TRIM7: variants seen among roughly 807,000 people sequenced by gnomAD.
TRIM7 encodes the protein tripartite motif containing 7.
TRIM7 carries 32 observed loss-of-function variants against 37.9 expected under a neutral mutation model. The ratio of observed to expected loss-of-function variants is 0.84; its 90% CI spans 0.64 to 1.13. The LOEUF (loss-of-function observed/expected upper bound fraction) is 1.13, where lower values mean the gene tolerates loss of function less well. Among genes scored for constraint, TRIM7 ranks in the 50% most tolerant of loss-of-function variants. The pLI, the probability that TRIM7 is intolerant of heterozygous loss-of-function variation, is 0.00. For synonymous variants in TRIM7, 351 were observed against 321.3 expected (o/e 1.09, Z -0.99); for missense variants, 732 against 714.0 (o/e 1.03, Z -0.29).
In TRIM7 at chr5:181,199,094, C is replaced by T. The variant is rs1757319850; in HGVS notation, c.872+1G>A. On this transcript the variant is annotated splice_donor_variant, in intron 4 of 6. Transcript: ENST00000274773. LOFTEE classifies it high-confidence loss of function. The stretch of plus-strand genomic sequence containing the variant: ...GCCCCAGGAGCTGTGAGGTCACTCA[C>T]CTGCTCAGCGTGCTTTTGAATTCCT... 6.2e-7 allele frequency: 1 copy of T among 1,614,100 alleles called. No individual in the cohort carries two copies. Among genetic ancestry groups the T allele is most frequent in the South Asian group, 1.1e-5 (1 of 91,090 alleles).
At chr5:181,203,378 G>A (rs975641836) in intron 2 of TRIM7, 167 bp downstream of exon 2, 33 of 1,454,640 alleles carry the variant, frequency 2.3e-5, no homozygotes, top group Non-Finnish European at 2.9e-5. Context: ...GCTCTGGTTT[G>A]TACAACAATT....
intron 3 of TRIM7, 50 bp downstream of exon 3, chr5:181,199,801 C>G: frequency 6.4e-7 from 1 of 1,557,322 alleles, no homozygotes. Flanking sequence ...AGCTGCTGGT[C>G]CTGATGCCTT....
Position 181,199,732 on chromosome 5 carries a change from C to T in TRIM7, c.849+119G>A, listed in dbSNP as rs1757356508. The T allele has an allele frequency of 1.4e-5, 20 of 1,432,450 alleles. No individual in the cohort carries two copies. In the South Asian group the frequency reaches 2.7e-4, roughly 19 times the overall value. 88.7% of individuals were successfully genotyped at this position (1,432,450 alleles called of 1,614,324 possible). On this transcript the variant is annotated intron_variant, in intron 3 of 6. Transcript: ENST00000274773. ...GAAAATCAGGGCACTTCTCTCCAGT[C>T]CCCTTCAGCTCCAGATCATGTGATT...
In TRIM7 at chr5:181,204,878, C is replaced by T; in HGVS notation, c.233G>A (p.Cys78Tyr). 2 of 1,356,980 alleles carry T rather than the reference C, an allele frequency of 1.5e-6. No individual in the cohort carries two copies. Among genetic ancestry groups the T allele is most frequent in the East Asian group, 3.1e-5 (1 of 32,466 alleles). The allele number at this position is 1,356,980 out of a possible 1,614,324, so 84.1% of individuals were successfully genotyped here. Residue 78 changes from cysteine (C) to tyrosine (Y), a missense_variant, in exon 1 of 7, where the codon TGT (cysteine) becomes TAT (tyrosine). By Grantham distance (194) the Cys-to-Tyr change is radical (BLOSUM62 -2). Transcript: ENST00000274773. ...GCGCGCGGGCTCGCGGCACTGCGGA[C>T]AGGGCAGTGGGAAGGGGGGCGCGCG... ...ATRAPPFPLP[C>Y]PQCREPARPS...
At position 181,204,715 on chromosome 5, in the gene TRIM7, C is replaced by T; in HGVS notation, c.396G>A (p.Gln132=). Residue 132 remains glutamine (Q), a synonymous_variant, in exon 1 of 7, where the codon CAG becomes CAA. Coordinates refer to ENST00000274773, the MANE Select transcript of TRIM7 (RefSeq NM_203293.3). Reference sequence around the variant, plus strand: ...AGTAGAGCTTGAAGGGTTCGCCATGCTGCCCGCAGCGGGCAGCCGCTGCCC... The same window carrying T: ...AGTAGAGCTTGAAGGGTTCGCCATGTTGCCCGCAGCGGGCAGCCGCTGCCC... ...AARAAAARCG[Q]HGEPFKLYCQ... 1 of 1,484,760 alleles carries T rather than the reference C, an allele frequency of 6.7e-7. No individual in the cohort carries two copies. The highest frequency in any genetic ancestry group is 2.3e-5 in the Admixed American group (1 of 43,082). 92.0% of individuals were successfully genotyped at this position (1,484,760 alleles called of 1,614,324 possible). A position where few individuals can be genotyped will look rare whatever the true frequency, so the allele number is the denominator to read the frequency against.
In TRIM7 at chr5:181,194,896, T is replaced by C; in HGVS notation, c.*270A>G. 1 of 418,282 alleles carries C rather than the reference T, an allele frequency of 2.4e-6. No individual in the cohort carries two copies. The highest frequency in any genetic ancestry group is 4.2e-6 in the Non-Finnish European group (1 of 235,362). 25.9% of individuals were successfully genotyped at this position (418,282 alleles called of 1,614,324 possible). A position where few individuals can be genotyped will look rare whatever the true frequency, so the allele number is the denominator to read the frequency against. On this transcript the variant is annotated 3_prime_UTR_variant, in exon 7 of 7. Transcript: ENST00000274773. ...GAAGCCCCCTGGAGAGCTGGGCTCCTGACCTCACCGGCCTCCACCTCCTGA... is the reference window on the plus strand; with the variant it reads ...GAAGCCCCCTGGAGAGCTGGGCTCCCGACCTCACCGGCCTCCACCTCCTGA...
Position 181,195,232 on chromosome 5 carries a change from G to A in TRIM7, c.1470C>T (p.Phe490=). The A allele has an allele frequency of 6.2e-7, 1 of 1,613,276 alleles. No individual in the cohort carries two copies. Among genetic ancestry groups the A allele is most frequent in the East Asian group, 2.2e-5 (1 of 44,880 alleles). The change falls in exon 7 of 7, where the codon TTC becomes TTT. Residue 490 remains phenylalanine (F), a synonymous_variant. Transcript: ENST00000274773. ...AGAAAAGCGGGAACACGCGCTCCTGGAAGTTGACGCGGAAGGTGTAGAGGT... is the reference window on the plus strand; with the variant it reads ...AGAAAAGCGGGAACACGCGCTCCTGAAAGTTGACGCGGAAGGTGTAGAGGT... ...MRHLYTFRVN[F]QERVFPLFSV... is the part of the protein sequence containing the mutation.
chr5:181,204,531 C>A (rs1282447464), intron 1 of TRIM7, 58 bp downstream of exon 1: 15 of 1,307,020 alleles, frequency 1.1e-5, no homozygotes, highest in Non-Finnish European at 1.3e-5. Context: ...TGCGCGGGAG[C>A]GCGGGACCAA....
chr5:181,204,394 T>C (rs1757692691), intron 1 of TRIM7, 195 bp downstream of exon 1: 3 of 1,162,202 alleles, frequency 2.6e-6, no homozygotes, highest in Middle Eastern at 6.6e-4. Context: ...GGTGGGGGTA[T>C]TGGTGATGTT....
In TRIM7 at chr5:181,199,728, C is replaced by G. The variant is rs1490735831; in HGVS notation, c.849+123G>C. The stretch of plus-strand genomic sequence containing the variant: ...CCAGGAAAATCAGGGCACTTCTCTC[C>G]AGTCCCCTTCAGCTCCAGATCATGT... On this transcript the variant is annotated intron_variant, in intron 3 of 6. Coordinates refer to ENST00000274773, the MANE Select transcript of TRIM7 (RefSeq NM_203293.3). 3.5e-6 allele frequency: 5 copies of G among 1,427,340 alleles called. No homozygotes were observed. In the East Asian group the frequency reaches 1.2e-4, roughly 36 times the overall value. 88.4% of individuals were successfully genotyped at this position (1,427,340 alleles called of 1,614,324 possible). A position where few individuals can be genotyped will look rare whatever the true frequency, so the allele number is the denominator to read the frequency against.
chr5:181,198,724 G>A lies in TRIM7; in HGVS notation c.954C>T (p.Thr318=). 9 of 1,614,066 alleles carry A rather than the reference G, an allele frequency of 5.6e-6. No homozygotes were observed. Among genetic ancestry groups the A allele is most frequent in the South Asian group, 1.1e-5 (1 of 91,036 alleles). Residue 318 remains threonine, a synonymous_variant, in exon 5 of 7, where the codon ACC becomes ACT. Coordinates refer to ENST00000274773, the MANE Select transcript of TRIM7 (RefSeq NM_203293.3). ...TCTTCAGCATCCCTTTTAAGACAAA[G>A]GTCTTGAGAGAAACATTCCAGACTT... ...KNKVWNVSLK[T]FVLKGMLKKF...
chr5:181,198,134 T>C (rs1005699941), intron 6 of TRIM7, 49 bp downstream of exon 6: 7 of 1,607,558 alleles, frequency 4.4e-6, no homozygotes, highest in Non-Finnish European at 6.0e-6. Context: ...GGGAGTAGGA[T>C]CTCTGTGTGG....
intron 2 of TRIM7, chr5:181,201,046 A>G (rs1757455564): frequency 2.4e-6 from 1 of 422,784 alleles, no homozygotes; most frequent in African/African-American, 2.2e-5. Context: ...ACACATCACC[A>G]GGAAGTGTTA....
chr5:181,198,957 G>A (rs933255968), intron 4 of TRIM7, 138 bp downstream of exon 4: 25 of 1,272,582 alleles, frequency 2.0e-5, no homozygotes, highest in African/African-American at 7.4e-5. Flanking sequence ...GCAGGTGGGC[G>A]TTTGTCTCGG....
chr5:181,203,434 C>G, intron 2 of TRIM7, 111 bp downstream of exon 2: 1 of 1,534,350 alleles, frequency 6.5e-7, no homozygotes, highest in Non-Finnish European at 8.7e-7. Flanking sequence ...TTTCTGAAAT[C>G]GATTCTGCGG....
rs10055221 is a variant in TRIM7 at position 181,194,636 on chromosome 5, G to T, written c.*530C>A. On this transcript the variant is annotated 3_prime_UTR_variant, in exon 7 of 7. Coordinates refer to ENST00000274773, the MANE Select transcript of TRIM7 (RefSeq NM_203293.3). ...GATGTCTCCTTCCAGTTCTGGCCCA[G>T]ACTGTCCTCTGAGCTGGGAGCACAG... 0.18 allele frequency: 28,230 copies of T among 152,828 alleles called. 5,430 individuals carry two copies. The highest frequency in any genetic ancestry group is 0.5 in the African/African-American group (20,726 of 41,534). The allele number at this position is 152,828 out of a possible 1,614,324, so 9.5% of individuals were successfully genotyped here. A position where few individuals can be genotyped will look rare whatever the true frequency, so the allele number is the denominator to read the frequency against.
intron 1 of TRIM7, chr5:181,203,881 T>G: frequency 1.6e-6 from 2 of 1,284,362 alleles, no homozygotes; most frequent in Non-Finnish European, 9.9e-7. Flanking sequence ...CCGGCAGCCC[T>G]ACCCCTAGTC....
chr5:181,198,126 G>A lies in TRIM7; in HGVS notation c.1024+57C>T, dbSNP rs1757246270. 4 of 1,597,602 alleles carry A rather than the reference G, an allele frequency of 2.5e-6. No homozygotes were observed. In the African/African-American group the frequency reaches 4.0e-5, roughly 16 times the overall value. ...AAACCCTGAGATGGTCACGAGCAGG[G>A]AGTAGGATCTCTGTGTGGCAGACAG... On this transcript the variant is annotated intron_variant, in intron 6 of 6. Transcript: ENST00000274773.
intron 2 of TRIM7, chr5:181,200,335 C>T: frequency 7.0e-7 from 1 of 1,425,782 alleles, no homozygotes; most frequent in Non-Finnish European, 9.1e-7. Flanking sequence ...GCTCCATCAC[C>T]TAAACCAAGG....
Sources: allele counts gnomAD v4.1 joint callset, GRCh38; gene constraint gnomAD v4.1.1; transcripts MANE v1.5; gene names NCBI Gene and HGNC (gene_info 2026-07-23, HGNC 2026-07-21).